The following KCNH5 variants were observed in gnomAD, a reference collection of about 807,000 sequenced individuals.
KCNH5 encodes potassium voltage-gated channel subfamily H member 5.
Under a neutral mutation model 96.1 loss-of-function variants are expected in KCNH5, and 46 were observed. The ratio of observed to expected loss-of-function variants is 0.48; its 90% CI spans 0.38 to 0.61. The LOEUF (loss-of-function observed/expected upper bound fraction) is 0.61. KCNH5 is among the 20% of genes least tolerant of loss of function. KCNH5 has a pLI of 0.00. For synonymous variants in KCNH5, 439 were observed against 449.8 expected, an observed-to-expected ratio of 0.98 and a Z score of 0.30; for missense variants, 907 against 1,225.8, an observed-to-expected ratio of 0.74 and a Z score of 3.88.
chr14:62,916,038 T>C (rs993643585), intron 7 of KCNH5, among the ~76,000 whole-genome samples: 2 of 151,154 alleles, frequency 1.3e-5, no homozygotes, highest in Non-Finnish European at 3.0e-5. Context: ...CTGCAAGCTC[T>C]GCCTCCCGGG....
At chr14:62,788,907 G>A (rs1886374436) in intron 9 of KCNH5, among the ~76,000 whole-genome samples, 1 of 151,960 alleles carries the variant, frequency 6.6e-6, no homozygotes, top group Admixed American at 6.6e-5. Flanking sequence ...CAAAAAATTG[G>A]TGACTCTATT....
rs564810204 is a variant in KCNH5 at position 62,701,578 on chromosome 14, A to G, written c.*5930T>C. ...GGATGGTGTCAGTGGGGTCCTTCAC[A>G]GTCATTATTTTAAAAGTAGGATTCT... On this transcript the variant is annotated 3_prime_UTR_variant, in exon 11 of 11. Coordinates refer to ENST00000322893, the MANE Select transcript of KCNH5 (RefSeq NM_139318.5). 1 of 152,250 alleles carries G rather than the reference A, an allele frequency of 6.6e-6. No homozygotes were observed. Among genetic ancestry groups the G allele is most frequent in the African/African-American group, 2.4e-5 (1 of 41,568 alleles). 9.4% of individuals were successfully genotyped at this position (152,250 alleles called of 1,614,324 possible).
At position 62,708,385 on chromosome 14, in the gene KCNH5, G is replaced by A. The variant is rs747470720; in HGVS notation, c.2090C>T (p.Thr697Ile). Reference sequence around the variant, plus strand: ...TGGGTGGTCCACGGGAATGCTGAGGGTCACCTCATTCTTCTGCCGGAGGCG... The same window carrying A: ...TGGGTGGTCCACGGGAATGCTGAGGATCACCTCATTCTTCTGCCGGAGGCG... ...EERLRQKNEVTLSIPVDHPVR... is the reference protein window; with the variant it reads ...EERLRQKNEVILSIPVDHPVR... Residue 697 changes from threonine to isoleucine, a missense_variant, in exon 11 of 11, where the codon ACC becomes ATC. Physicochemically the swap from Thr to Ile is moderately conservative, Grantham distance 89 (BLOSUM62 -1). Transcript: ENST00000322893. 1 of 1,613,282 alleles carries A rather than the reference G, an allele frequency of 6.2e-7. No individual in the cohort carries two copies. The highest frequency in any genetic ancestry group is 8.5e-7 in the Non-Finnish European group (1 of 1,179,920).
intron 7 of KCNH5, among the ~76,000 whole-genome samples, chr14:62,874,525 G>A (rs1888328641): frequency 6.6e-6 from 1 of 152,032 alleles, no homozygotes; most frequent in Admixed American, 6.5e-5. Flanking sequence ...TGGGATGCAA[G>A]GCTGGTTCAA....
intron 1 of KCNH5, among the ~76,000 whole-genome samples, chr14:63,022,629 A>C (rs932221911): frequency 1.3e-5 from 2 of 152,068 alleles, no homozygotes; most frequent in African/African-American, 4.8e-5. Flanking sequence ...ACTCGCCTAC[A>C]ATAGCCTCAT....
chr14:62,866,170 T>C (rs1476360987), intron 7 of KCNH5, among the ~76,000 whole-genome samples: 1 of 152,212 alleles, frequency 6.6e-6, no homozygotes, highest in Non-Finnish European at 1.5e-5. Context: ...CATTAGAAGC[T>C]GGCCGAAAAG....
At chr14:63,000,037 A>T (rs1890983587) in intron 4 of KCNH5, among the ~76,000 whole-genome samples, 1 of 152,160 alleles carries the variant, frequency 6.6e-6, no homozygotes, top group African/African-American at 2.4e-5. Context: ...TCAAAGCACA[A>T]ATAAATTGCT....
chr14:63,045,313 C>A lies in KCNH5; in HGVS notation c.-127G>T, dbSNP rs1277539196. 1.3e-5 allele frequency: 10 copies of A among 750,978 alleles called. No individual in the cohort carries two copies. The highest frequency in any genetic ancestry group is 1.6e-5 in the Non-Finnish European group (7 of 443,422). The allele number at this position is 750,978 out of a possible 1,614,324, so 46.5% of individuals were successfully genotyped here. On this transcript the variant is annotated 5_prime_UTR_variant, in exon 1 of 11. Transcript: ENST00000322893. Reference sequence around the variant, plus strand: ...GCCGAAAGAAGAGGGGGCGCGGCGGCGGCGACGGGGTCCCCTGACTGTGTC... The same window carrying A: ...GCCGAAAGAAGAGGGGGCGCGGCGGAGGCGACGGGGTCCCCTGACTGTGTC...
At chr14:62,736,659 C>T (rs1885164328) in intron 10 of KCNH5, among the ~76,000 whole-genome samples, 1 of 152,270 alleles carries the variant, frequency 6.6e-6, no homozygotes, top group Non-Finnish European at 1.5e-5. Flanking sequence ...AAACTTCTTC[C>T]TCACACAGAA....
intron 7 of KCNH5, among the ~76,000 whole-genome samples, chr14:62,911,807 G>C (rs1019228709): frequency 1.3e-5 from 2 of 151,578 alleles, no homozygotes; most frequent in African/African-American, 4.8e-5. Flanking sequence ...GAGGGAGGCA[G>C]GTGGATCACT....
intron 7 of KCNH5, among the ~76,000 whole-genome samples, chr14:62,938,071 G>T (rs1222380784): frequency 6.6e-6 from 1 of 152,138 alleles, no homozygotes; most frequent in Non-Finnish European, 1.5e-5. Flanking sequence ...TGCCTAAATA[G>T]GGGCATGAAT....
chr14:62,847,239 TTCTTTACAAAACCAGA>T (rs1452880807), intron 8 of KCNH5, among the ~76,000 whole-genome samples: 1 of 150,974 alleles, frequency 6.6e-6, no homozygotes, highest in Non-Finnish European at 1.5e-5. Flanking sequence ...AGTTGTCAGG[TTCTTTACAAAACCAGA>T]GAGCTGAATG....
At chr14:62,766,013 A>C (rs1191153025) in intron 10 of KCNH5, among the ~76,000 whole-genome samples, 2 of 152,218 alleles carry the variant, frequency 1.3e-5, no homozygotes, top group African/African-American at 4.8e-5. Flanking sequence ...CTAATAATCC[A>C]ATCAAAAATG....
intron 2 of KCNH5, among the ~76,000 whole-genome samples, chr14:63,011,206 G>A (rs577182929): frequency 5.9e-5 from 9 of 152,264 alleles, no homozygotes; most frequent in East Asian, 1.9e-4. Flanking sequence ...TTTTCGGCCC[G>A]GCACAGTGGC....
intron 6 of KCNH5, among the ~76,000 whole-genome samples, chr14:62,958,812 A>G (rs543621445): frequency 6.6e-6 from 1 of 152,026 alleles, no homozygotes; most frequent in Admixed American, 6.6e-5. Context: ...ATTCATTACC[A>G]TCACTTTCAA....
intron 7 of KCNH5, among the ~76,000 whole-genome samples, chr14:62,943,597 T>C (rs1889830873): frequency 6.6e-6 from 1 of 152,166 alleles, no homozygotes; most frequent in Non-Finnish European, 1.5e-5. Flanking sequence ...CATACGTATG[T>C]ACATACATAC....
intron 7 of KCNH5, among the ~76,000 whole-genome samples, chr14:62,879,190 A>C (rs952118003): frequency 6.6e-6 from 1 of 152,206 alleles, no homozygotes; most frequent in Non-Finnish European, 1.5e-5. Flanking sequence ...AGAATGGTAA[A>C]AATGATAAAG....
intron 8 of KCNH5, among the ~76,000 whole-genome samples, chr14:62,841,852 C>A (rs1291046437): frequency 6.6e-6 from 1 of 152,210 alleles, no homozygotes; most frequent in Non-Finnish European, 1.5e-5. Flanking sequence ...GAACCTGATG[C>A]TTATGGTCTA....
chr14:62,717,969 G>A (rs1447055380), intron 10 of KCNH5, among the ~76,000 whole-genome samples: 2 of 152,172 alleles, frequency 1.3e-5, no homozygotes, highest in African/African-American at 4.8e-5. Context: ...GTCCTGTGCA[G>A]CAATATGGAG....
Sources: allele counts gnomAD v4.1 joint callset (sites outside exome capture counted in the v4.1 genomes callset), GRCh38; gene constraint gnomAD v4.1.1; transcripts MANE v1.5; gene names NCBI Gene and HGNC (gene_info 2026-07-23, HGNC 2026-07-21).